The following SGCD variants were observed in gnomAD, a reference collection of about 807,000 sequenced individuals.
SGCD encodes the protein sarcoglycan delta.
SGCD carries 18 observed loss-of-function variants against 36.6 expected under a neutral mutation model. The observed-to-expected ratio is 0.49, with a 90% CI of 0.34 to 0.73. The LOEUF (loss-of-function observed/expected upper bound fraction) is 0.73, where lower values mean the gene tolerates loss of function less well. Among genes scored for constraint, SGCD ranks in the 30% least tolerant of loss-of-function variants. The pLI is 0.01. For missense variants in SGCD, 387 were observed against 346.7 expected (o/e 1.12, Z -0.92); for synonymous variants, 133 against 130.6 (o/e 1.02, Z -0.12).
chr5:156,320,095 ATATG>A (rs1335173319), intron 3 of SGCD, among the ~76,000 whole-genome samples: 57 of 102,490 alleles, frequency 5.6e-4, no homozygotes, highest in African/African-American at 1.8e-3. Flanking sequence ...ACAGCCTTTG[ATATG>A]TGTGTGTGTG....
chr5:155,967,773 A>T (rs184728133), intron 1 of SGCD, among the ~76,000 whole-genome samples: 1 of 152,202 alleles, frequency 6.6e-6, no homozygotes, highest in East Asian at 1.9e-4. Flanking sequence ...CACTGCCTCG[A>T]TCTCCTCAAC....
chr5:155,755,988 T>G, the SGCD span, among the ~76,000 whole-genome samples: 1 of 152,230 alleles, frequency 6.6e-6, no homozygotes, highest in Non-Finnish European at 1.5e-5. Context: ...ATCACCTTGC[T>G]GGTATTGGTA....
intron 3 of SGCD, among the ~76,000 whole-genome samples, chr5:156,212,986 G>A (rs1764483459): frequency 1.3e-5 from 2 of 151,766 alleles, no homozygotes; most frequent in African/African-American, 4.8e-5. Flanking sequence ...AAACTTATGG[G>A]ACATAGAAAA....
At chr5:156,585,600 C>T (rs529993969) in intron 4 of SGCD, among the ~76,000 whole-genome samples, 9 of 152,296 alleles carry the variant, frequency 5.9e-5, no homozygotes, top group Non-Finnish European at 1.3e-4. Flanking sequence ...CAGAAGAGTG[C>T]TTGTGCAGAG....
In SGCD at chr5:156,762,109, C is replaced by T. The variant is rs1001147054; in HGVS notation, c.*2719C>T. The stretch of plus-strand genomic sequence containing the variant: ...AAATTTTACCTGAATTCTTGGGGGC[C>T]GGCGGGGAGCTTTTACATTAAAAAT... On this transcript the variant is annotated 3_prime_UTR_variant, in exon 9 of 9. Transcript: ENST00000337851. The T allele has an allele frequency of 3.3e-5, 5 of 152,346 alleles. No homozygotes were observed. The highest frequency in any genetic ancestry group is 6.5e-5 in the Admixed American group (1 of 15,276). The allele number at this position is 152,346 out of a possible 1,614,324, so 9.4% of individuals were successfully genotyped here.
At chr5:156,743,830 C>G (rs1363775306) in intron 7 of SGCD, among the ~76,000 whole-genome samples, 1 of 152,182 alleles carries the variant, frequency 6.6e-6, no homozygotes, top group Non-Finnish European at 1.5e-5. Flanking sequence ...ATACCTGTTT[C>G]AGATAAGAAG....
chr5:156,369,924 A>T (rs977679123), intron 3 of SGCD, among the ~76,000 whole-genome samples: 2 of 152,236 alleles, frequency 1.3e-5, no homozygotes, highest in Admixed American at 1.3e-4. Flanking sequence ...TTCTCTTCAC[A>T]GTCATTAGTT....
At chr5:155,794,384 C>T in the SGCD span, among the ~76,000 whole-genome samples, 2 of 152,112 alleles carry the variant, frequency 1.3e-5, no homozygotes, top group African/African-American at 4.8e-5. Flanking sequence ...AAGAAAATGG[C>T]ATCATATGAC....
rs534166210 is a variant in SGCD at position 156,606,708 on chromosome 5, C to A, written c.502+11657C>A. Among the ~76,000 whole-genome samples the A allele has an allele frequency of 3.3e-5, 5 of 152,228 alleles. No individual in the cohort carries two copies. In the East Asian group the frequency reaches 9.7e-4, roughly 29 times the overall value. Reference sequence around the variant, plus strand: ...GAAATGTTCTTCCATTTCTTTGTATCCTCTTTTATTTCATTGAGCAGTGGT... The same window carrying A: ...GAAATGTTCTTCCATTTCTTTGTATACTCTTTTATTTCATTGAGCAGTGGT... On this transcript the variant is annotated intron_variant, in intron 6 of 8. Coordinates refer to ENST00000337851, the MANE Select transcript of SGCD (RefSeq NM_000337.6).
chr5:156,736,256 T>C (rs1756358111), intron 7 of SGCD, among the ~76,000 whole-genome samples: 1 of 152,218 alleles, frequency 6.6e-6, no homozygotes, highest in African/African-American at 2.4e-5. Flanking sequence ...TCTTGGCCAC[T>C]CTTTGTGTTT....
intron 4 of SGCD, among the ~76,000 whole-genome samples, chr5:156,579,164 G>A (rs1039199127): frequency 1.3e-5 from 2 of 152,010 alleles, no homozygotes; most frequent in Non-Finnish European, 2.9e-5. Context: ...TTCATTTCGT[G>A]ATGTACCCAG....
chr5:156,670,486 G>C (rs988013706), intron 7 of SGCD, among the ~76,000 whole-genome samples: 1 of 152,150 alleles, frequency 6.6e-6, no homozygotes, highest in African/African-American at 2.4e-5. Context: ...GGATGCCCCT[G>C]CTGGGTGTAT....
chr5:156,741,692 T>G (rs1467124510), intron 7 of SGCD, among the ~76,000 whole-genome samples: 1 of 152,132 alleles, frequency 6.6e-6, no homozygotes, highest in Non-Finnish European at 1.5e-5. Context: ...GTCAGGGCTT[T>G]GCCTCGTGTC....
chr5:156,197,809 G>C, intron 3 of SGCD, among the ~76,000 whole-genome samples: 1 of 151,952 alleles, frequency 6.6e-6, no homozygotes, highest in Admixed American at 6.6e-5. Context: ...TTAAAAATAT[G>C]TTTTAATTGA....
At chr5:156,075,347 G>C (rs1760742072) in intron 1 of SGCD, among the ~76,000 whole-genome samples, 1 of 151,794 alleles carries the variant, frequency 6.6e-6, no homozygotes, top group African/African-American at 2.4e-5. Flanking sequence ...ACTTAAAAGA[G>C]TAAAAAAGAA....
intron 3 of SGCD, among the ~76,000 whole-genome samples, chr5:156,422,365 T>C (rs1773351900): frequency 6.6e-6 from 1 of 152,036 alleles, no homozygotes; most frequent in South Asian, 2.1e-4. Flanking sequence ...TGTGTTTGAC[T>C]CTTCTTTCTC....
At chr5:156,207,333 C>G (rs1235114071) in intron 3 of SGCD, among the ~76,000 whole-genome samples, 2 of 152,144 alleles carry the variant, frequency 1.3e-5, no homozygotes, top group Non-Finnish European at 2.9e-5. Context: ...GGGCCCAGCA[C>G]TGTACTTTAT....
At chr5:156,334,337 T>G (rs1388614863) in intron 2 of SGCD, among the ~76,000 whole-genome samples, 1 of 152,224 alleles carries the variant, frequency 6.6e-6, no homozygotes, top group Non-Finnish European at 1.5e-5. Context: ...CAGCATCCTT[T>G]GCATGTGAAA....
the SGCD span, among the ~76,000 whole-genome samples, chr5:155,833,169 G>T: frequency 1.3e-5 from 2 of 151,926 alleles, no homozygotes; most frequent in African/African-American, 4.8e-5. Context: ...GATGGAGATT[G>T]CAGTGAGCTG....
Sources: gnomAD v4.1 joint callset for allele counts (sites outside exome capture counted in the v4.1 genomes callset) on GRCh38, gnomAD v4.1.1 for gene constraint, MANE v1.5 for transcripts, NCBI Gene and HGNC (gene_info 2026-07-23, HGNC 2026-07-21) for gene names.